Variants in PCDHA3 observed in about 807,000 individuals in gnomAD.
The protein encoded by PCDHA3 is protocadherin alpha 3.
PCDHA3 carries 41 observed loss-of-function variants against 62.2 expected under a neutral mutation model. That is an observed-to-expected ratio of 0.66 (90% CI 0.51 to 0.86). The LOEUF (loss-of-function observed/expected upper bound fraction) is 0.86, where lower values mean the gene tolerates loss of function less well. Ranked by LOEUF, PCDHA3 falls within the 40% of genes least tolerant of loss-of-function variation. The pLI, the probability that PCDHA3 is intolerant of heterozygous loss-of-function variation, is 0.00. For synonymous variants in PCDHA3, 640 were observed against 555.4 expected (o/e 1.15, Z -2.14); for missense variants, 1,304 against 1,241.2 (o/e 1.05, Z -0.76).
chr5:140,882,049 T>C, intron 1 of PCDHA3: 1 of 752,814 alleles, frequency 1.3e-6, no homozygotes, highest in Non-Finnish European at 2.1e-6. Flanking sequence ...TGAGTCATAC[T>C]TACACTTACA....
intron 3 of PCDHA3, among the ~76,000 whole-genome samples, chr5:140,998,221 C>G (rs1478098925): frequency 1.3e-5 from 2 of 152,160 alleles, no homozygotes; most frequent in Non-Finnish European, 2.9e-5. Flanking sequence ...TAACCACACC[C>G]AGAAATTTGT....
chr5:140,841,795 C>G (rs2150322842), intron 1 of PCDHA3: 8 of 1,613,824 alleles, frequency 5.0e-6, no homozygotes, highest in Non-Finnish European at 6.8e-6. Flanking sequence ...AGGGCGCGTC[C>G]GATGCAGATG....
intron 1 of PCDHA3, chr5:140,823,894 T>G: frequency 6.2e-7 from 1 of 1,613,928 alleles, no homozygotes; most frequent in Non-Finnish European, 8.5e-7. Context: ...CTGTGCGGTG[T>G]CCAGCCTGCT....
intron 1 of PCDHA3, among the ~76,000 whole-genome samples, chr5:140,881,170 T>C (rs1442098863): frequency 1.3e-5 from 2 of 152,246 alleles, no homozygotes; most frequent in Non-Finnish European, 1.5e-5. Flanking sequence ...CCTCTTCCTC[T>C]TTTCCTTGCT....
intron 1 of PCDHA3, among the ~76,000 whole-genome samples, chr5:140,915,921 T>C (rs2077370703): frequency 6.6e-6 from 1 of 152,286 alleles, no homozygotes; most frequent in African/African-American, 2.4e-5. Context: ...GAGATGCTAC[T>C]TGGGAGTCAG....
intron 1 of PCDHA3, chr5:140,875,208 C>A: frequency 1.5e-6 from 1 of 668,546 alleles, no homozygotes; most frequent in Non-Finnish European, 2.2e-6. Flanking sequence ...GTGGCTAAAC[C>A]GAAAAGAACC....
chr5:140,870,918 G>A, intron 1 of PCDHA3: 1 of 1,613,956 alleles, frequency 6.2e-7, no homozygotes, highest in Non-Finnish European at 8.5e-7. Context: ...ACAACGCGTG[G>A]CTTTCATATG....
In PCDHA3 at chr5:140,843,150, A is replaced by T; in HGVS notation, c.2394+39559A>T. Reference sequence around the variant, plus strand: ...GGCTACAACGCGTGGCTTTCGTATGAGCTGCAGCCAGCTGCAAGCAGCCCT... The same window carrying T: ...GGCTACAACGCGTGGCTTTCGTATGTGCTGCAGCCAGCTGCAAGCAGCCCT... On this transcript the variant is annotated intron_variant, in intron 1 of 3. Transcript: ENST00000522353. 1.3e-6 allele frequency: 2 copies of T among 1,595,990 alleles called. 1 individual carries two copies. Among genetic ancestry groups the T allele is most frequent in the Non-Finnish European group, 1.7e-6 (2 of 1,165,576 alleles).
intron 1 of PCDHA3, among the ~76,000 whole-genome samples, chr5:140,879,016 G>A (rs2057813975): frequency 6.6e-6 from 1 of 152,188 alleles, no homozygotes; most frequent in African/African-American, 2.4e-5. Context: ...ATCAGATAAT[G>A]TTTTATTGAA....
intron 1 of PCDHA3, among the ~76,000 whole-genome samples, chr5:140,893,566 C>T (rs1283289530): frequency 6.6e-6 from 1 of 152,156 alleles, no homozygotes; most frequent in African/African-American, 2.4e-5. Flanking sequence ...AGTGTACTTC[C>T]TCAGTTTTTG....
chr5:140,883,091 G>T, intron 1 of PCDHA3: 1 of 1,614,112 alleles, frequency 6.2e-7, no homozygotes, highest in Non-Finnish European at 8.5e-7. Context: ...TGGTACAAAT[G>T]GAGATATAGT....
intron 1 of PCDHA3, among the ~76,000 whole-genome samples, chr5:140,871,899 A>G (rs1160830243): frequency 2.6e-5 from 4 of 152,208 alleles, no homozygotes; most frequent in Admixed American, 2.0e-4. Context: ...CTTTTAGCAG[A>G]GTTTTGCCTT....
chr5:140,935,957 A>G (rs1427987096), intron 1 of PCDHA3, among the ~76,000 whole-genome samples: 5 of 150,604 alleles, frequency 3.3e-5, no homozygotes, highest in African/African-American at 1.2e-4. Context: ...AAGTGGTACA[A>G]TCTTGGCTCA....
Position 140,857,975 on chromosome 5 carries a change from C to T in PCDHA3, c.2394+54384C>T, listed in dbSNP as rs782181380. The T allele has an allele frequency of 7.5e-6, 12 of 1,596,906 alleles. 2 individuals are homozygous for T. In the Admixed American group the frequency reaches 1.0e-4, roughly 14 times the overall value. On this transcript the variant is annotated intron_variant, in intron 1 of 3. Coordinates refer to ENST00000522353, the MANE Select transcript of PCDHA3 (RefSeq NM_018906.3). ...CGCTCTGGATGAGACTGACTCGCCA[C>T]GCCAGCGCCTACTGGTGCTGGTGAA...
chr5:140,943,357 A>G (rs974685573), intron 1 of PCDHA3, among the ~76,000 whole-genome samples: 3 of 152,026 alleles, frequency 2.0e-5, no homozygotes, highest in Non-Finnish European at 4.4e-5. Flanking sequence ...AGTAGAGGAA[A>G]GGAGATCATT....
chr5:140,828,812 A>G (rs2150159270), intron 1 of PCDHA3: 2 of 1,614,228 alleles, frequency 1.2e-6, no homozygotes, highest in Non-Finnish European at 1.7e-6. Context: ...TAATGCTCCC[A>G]CTTTCGAACA....
intron 1 of PCDHA3, chr5:140,850,713 G>C (rs186966305): frequency 6.3e-7 from 1 of 1,598,196 alleles, no homozygotes; most frequent in Non-Finnish European, 8.6e-7. Context: ...GCCGACGCTG[G>C]TGTGTTCTAG....
At chr5:140,998,943 G>T (rs1366415632) in intron 3 of PCDHA3, among the ~76,000 whole-genome samples, 2 of 152,212 alleles carry the variant, frequency 1.3e-5, no homozygotes, top group African/African-American at 2.4e-5. Flanking sequence ...TGAAGAAACT[G>T]TAAGTCAATG....
intron 3 of PCDHA3, among the ~76,000 whole-genome samples, chr5:140,983,987 C>T (rs1372272659): frequency 6.6e-6 from 1 of 152,126 alleles, no homozygotes; most frequent in East Asian, 1.9e-4. Context: ...CGAGTTGAAG[C>T]AATTCATTAG....
Sources: allele counts gnomAD v4.1 joint callset (sites outside exome capture counted in the v4.1 genomes callset), GRCh38; gene constraint gnomAD v4.1.1; transcripts MANE v1.5; gene names NCBI Gene and HGNC (gene_info 2026-07-23, HGNC 2026-07-21).